Variants in GMEB2 observed in about 807,000 individuals in gnomAD.
GMEB2 encodes glucocorticoid modulatory element-binding protein 2.
A neutral mutation model predicts 45.7 loss-of-function variants in GMEB2; 7 were observed. The ratio of observed to expected loss-of-function variants is 0.15; its 90% CI spans 0.09 to 0.29. The LOEUF is 0.29. GMEB2 is among the 10% of genes least tolerant of loss of function. The pLI, the probability that GMEB2 is intolerant of heterozygous loss-of-function variation, is 1.00. For synonymous variants in GMEB2, 322 were observed against 323.6 expected (o/e 1.00, Z 0.05); for missense variants, 582 against 739.2 (o/e 0.79, Z 2.47).
In GMEB2 at chr20:63,589,925, C is replaced by T. The variant is rs1000679219; in HGVS notation, c.*164G>A. On this transcript the variant is annotated 3_prime_UTR_variant, in exon 10 of 10. Coordinates refer to ENST00000370077, the MANE Select transcript of GMEB2 (RefSeq NM_012384.5). ...TCCAGGTTGCTCTCGCTGTTCTGTC[C>T]CCTTCTCTCTTCTCGTGATTTGTTT... 2.9e-5 allele frequency: 15 copies of T among 511,728 alleles called. No individual in the cohort carries two copies. Among genetic ancestry groups the T allele is most frequent in the Non-Finnish European group, 4.3e-5 (13 of 300,526 alleles). 31.7% of individuals were successfully genotyped at this position (511,728 alleles called of 1,614,324 possible). A position where few individuals can be genotyped will look rare whatever the true frequency, so the allele number is the denominator to read the frequency against.
In GMEB2 at chr20:63,588,523, A is replaced by G. The variant is rs2083114274; in HGVS notation, c.*1566T>C. 2.6e-6 allele frequency: 1 copy of G among 390,432 alleles called. No individual in the cohort carries two copies. The highest frequency in any genetic ancestry group is 4.5e-5 in the Admixed American group (1 of 22,420). 24.2% of individuals were successfully genotyped at this position (390,432 alleles called of 1,614,324 possible). On this transcript the variant is annotated 3_prime_UTR_variant, in exon 10 of 10. Transcript: ENST00000370077. Reference sequence around the variant, plus strand: ...GAAACCAGCTGACTGTGACAACAGCAAACAAAAATGTAACAGAGAAAACAA... The same window carrying G: ...GAAACCAGCTGACTGTGACAACAGCGAACAAAAATGTAACAGAGAAAACAA...
Position 63,591,893 on chromosome 20 carries a change from C to A in GMEB2, c.952+129G>T, listed in dbSNP as rs540349371. ...TTGTTTTCCTCGCACAACAGCAGTG[C>A]GGAGAAGCTCGCCGTGGTGGCGGTG... On this transcript the variant is annotated intron_variant, in intron 9 of 9. Coordinates refer to ENST00000370077, the MANE Select transcript of GMEB2 (RefSeq NM_012384.5). 3.2e-5 allele frequency: 24 copies of A among 740,946 alleles called. No homozygotes were observed. In the Admixed American group the frequency reaches 5.1e-4, roughly 16 times the overall value. The allele number at this position is 740,946 out of a possible 1,614,324, so 45.9% of individuals were successfully genotyped here. A position where few individuals can be genotyped will look rare whatever the true frequency, so the allele number is the denominator to read the frequency against.
At position 63,592,781 on chromosome 20, in the gene GMEB2, C is replaced by T; in HGVS notation, c.692-111G>A. ...CACGAGGACACCATGCCAGAGCCGG[C>T]AGCGCCTGGCACTGTGCTGGGCTTG... On this transcript the variant is annotated intron_variant, in intron 7 of 9. Transcript: ENST00000370077. The surrounding 1 kb of genome is among the most constrained non-coding windows in gnomAD (Gnocchi z 8.2). 1 of 934,226 alleles carries T rather than the reference C, an allele frequency of 1.1e-6. No homozygotes were observed. The highest frequency in any genetic ancestry group is 1.7e-6 in the Non-Finnish European group (1 of 576,996). 57.9% of individuals were successfully genotyped at this position (934,226 alleles called of 1,614,324 possible).
chr20:63,614,457 G>A (rs1171082624), intron 2 of GMEB2, among the ~76,000 whole-genome samples: 3 of 152,208 alleles, frequency 2.0e-5, no homozygotes, highest in African/African-American at 2.4e-5. Context: ...CAAGTGGACC[G>A]TGGTCTAGCG....
intron 4 of GMEB2, among the ~76,000 whole-genome samples, chr20:63,600,180 G>A (rs568298006): frequency 5.9e-5 from 9 of 151,986 alleles, no homozygotes; most frequent in Non-Finnish European, 1.0e-4. Flanking sequence ...GTAGCTGGGA[G>A]TACAGGCACA....
chr20:63,603,172 A>C, intron 3 of GMEB2, 80 bp from the exon 4 acceptor site: 1 of 1,481,038 alleles, frequency 6.8e-7, no homozygotes, highest in South Asian at 1.2e-5. Flanking sequence ...CTGAAAATGC[A>C]GAAAATAGCT....
rs1483518089 is a variant in GMEB2, at chr20:63,592,981, G to A, written c.691+30C>T. Reference sequence around the variant, plus strand: ...AGACTCCACCACCCCGCCAGGGCTTGTGAGAAGCCCACAAGGAGGAACCTC... The same window carrying A: ...AGACTCCACCACCCCGCCAGGGCTTATGAGAAGCCCACAAGGAGGAACCTC... On this transcript the variant is annotated intron_variant, in intron 7 of 9. Coordinates refer to ENST00000370077, the MANE Select transcript of GMEB2 (RefSeq NM_012384.5). The surrounding 1 kb of genome is among the most constrained non-coding windows in gnomAD (Gnocchi z 8.2). 6 of 1,511,794 alleles carry A rather than the reference G, an allele frequency of 4.0e-6. No individual in the cohort carries two copies. In the African/African-American group the frequency reaches 4.1e-5, roughly 10 times the overall value. The allele number at this position is 1,511,794 out of a possible 1,614,324, so 93.6% of individuals were successfully genotyped here. A position where few individuals can be genotyped will look rare whatever the true frequency, so the allele number is the denominator to read the frequency against.
chr20:63,624,182 C>T (rs893868656), intron 1 of GMEB2, among the ~76,000 whole-genome samples: 3 of 151,322 alleles, frequency 2.0e-5, no homozygotes, highest in South Asian at 2.1e-4. Context: ...TTTGGAAGGC[C>T]GAGGCGGGTG....
chr20:63,617,061 A>C (rs1302630398), intron 2 of GMEB2, among the ~76,000 whole-genome samples: 1 of 150,252 alleles, frequency 6.7e-6, no homozygotes, highest in East Asian at 2.0e-4. Context: ...TGCTGTCTCC[A>C]ACTCCTGGGC....
intron 2 of GMEB2, among the ~76,000 whole-genome samples, chr20:63,612,402 G>A (rs1450241810): frequency 2.6e-5 from 4 of 152,194 alleles, no homozygotes; most frequent in Non-Finnish European, 1.5e-5. Context: ...TAGTTCACCA[G>A]TCTCTGGATC....
rs1008893149 is a variant in GMEB2, at chr20:63,619,630, G to A, written c.-57-176C>T. 4.9e-6 allele frequency: 2 copies of A among 408,494 alleles called. No individual in the cohort carries two copies. The highest frequency in any genetic ancestry group is 6.3e-5 in the South Asian group (2 of 31,856). The allele number at this position is 408,494 out of a possible 1,614,324, so 25.3% of individuals were successfully genotyped here. On this transcript the variant is annotated intron_variant, in intron 1 of 9. Transcript: ENST00000370077. This position sits in a 1 kb window ranked among gnomAD's most constrained non-coding sequence, Gnocchi z 4.6. ...TACTCCAGGCTCTGGTTCCGAGGGC[G>A]GTGTAAGCGCACTCCACCCGTTTTT...
chr20:63,615,717 C>G (rs566618733), intron 2 of GMEB2, among the ~76,000 whole-genome samples: 1 of 152,256 alleles, frequency 6.6e-6, no homozygotes, highest in African/African-American at 2.4e-5. Context: ...TAAAGCCAAA[C>G]CAGAATGGAA....
intron 2 of GMEB2, 150 bp from the exon 3 acceptor site, chr20:63,604,990 C>A (rs2089507634): frequency 1.7e-6 from 1 of 590,762 alleles, no homozygotes; most frequent in African/African-American, 1.8e-5. Context: ...GTGGCTCAAG[C>A]CTGTAATCCC....
intron 1 of GMEB2, among the ~76,000 whole-genome samples, chr20:63,620,494 G>A (rs2089637240): frequency 6.6e-6 from 1 of 152,208 alleles, no homozygotes; most frequent in Non-Finnish European, 1.5e-5. Context: ...GGGGAGAAGA[G>A]AGGATGGCAC....
Position 63,592,593 on chromosome 20 carries a change from G to C in GMEB2, c.769C>G (p.Leu257Val). Residue 257 changes from leucine (L) to valine (V), a missense_variant, in exon 8 of 10, where the codon CTG becomes GTG. Leu to Val is a conservative substitution (Grantham distance 32, BLOSUM62 1). Around this residue, in one of 3 missense-constraint regions of GMEB2, gnomAD observed 462 missense variants for 586.7 expected, o/e 0.79. Coordinates refer to ENST00000370077, the MANE Select transcript of GMEB2 (RefSeq NM_012384.5). The surrounding 1 kb of genome is among the most constrained non-coding windows in gnomAD (Gnocchi z 8.2). ...DEVIQEFHQELVETMRGLQQR... is the reference protein window; with the variant it reads ...DEVIQEFHQEVVETMRGLQQR... Reference sequence around the variant, plus strand: ...TGCAGGCCTCTCATGGTCTCCACCAGCTCCTGGTGGAACTCCTGGATGACC... The same window carrying C: ...TGCAGGCCTCTCATGGTCTCCACCACCTCCTGGTGGAACTCCTGGATGACC... 3 of 1,612,288 alleles carry C rather than the reference G, an allele frequency of 1.9e-6. No homozygotes were observed. The highest frequency in any genetic ancestry group is 2.5e-6 in the Non-Finnish European group (3 of 1,178,462).
In GMEB2 at chr20:63,599,203, GTGGCCGCTCCTGACCCCCCGGAGCTAACT is replaced by G. The variant is rs1297533268; in HGVS notation, c.358-1372_358-1344del. ...CCGCTCCTGACCCCCCGGAGCTAAC[GTGGCCGCTCCTGACCCCCCGGAGCTAACT>G]CGGCCCGCTCCTGACCCTCCAGACC... On this transcript the variant is annotated intron_variant, in intron 4 of 9. Transcript: ENST00000370077. Among the ~76,000 whole-genome samples, 135 of 148,202 alleles carry G rather than the reference GTGGCCGCTCCTGACCCCCCGGAGCTAACT, an allele frequency of 9.1e-4. 1 individual carries two copies. The highest frequency in any genetic ancestry group is 2.3e-3 in the African/African-American group (90 of 38,806).
Position 63,604,816 on chromosome 20 carries a change from C to T in GMEB2, c.156G>A (p.Met52Ile). ...CTGCTGCCGCTGCATTTTCTGTCTC[C>T]ATGTTATCTTCCGTCAGGTCGCCCC... ...PHGGDLTEDN[M>I]ETENAAAAAA... The change falls in exon 3 of 10, where the codon ATG (methionine) becomes ATA (isoleucine). Residue 52 changes from methionine to isoleucine, a missense_variant. Around this residue, in one of 3 missense-constraint regions of GMEB2, gnomAD observed 114 missense variants for 123.4 expected, o/e 0.92. Transcript: ENST00000370077. 1 of 1,610,298 alleles carries T rather than the reference C, an allele frequency of 6.2e-7. No homozygotes were observed. The highest frequency in any genetic ancestry group is 8.5e-7 in the Non-Finnish European group (1 of 1,176,616).
In GMEB2 at chr20:63,592,767, C is replaced by G. The variant is rs942604630; in HGVS notation, c.692-97G>C. 1 of 1,039,606 alleles carries G rather than the reference C, an allele frequency of 9.6e-7. No individual in the cohort carries two copies. The highest frequency in any genetic ancestry group is 1.8e-5 in the Admixed American group (1 of 56,440). The allele number at this position is 1,039,606 out of a possible 1,614,324, so 64.4% of individuals were successfully genotyped here. On this transcript the variant is annotated intron_variant, in intron 7 of 9. Coordinates refer to ENST00000370077, the MANE Select transcript of GMEB2 (RefSeq NM_012384.5). The surrounding 1 kb of genome is among the most constrained non-coding windows in gnomAD (Gnocchi z 8.2). Reference sequence around the variant, plus strand: ...GACATCACCATAGCCACGAGGACACCATGCCAGAGCCGGCAGCGCCTGGCA... The same window carrying G: ...GACATCACCATAGCCACGAGGACACGATGCCAGAGCCGGCAGCGCCTGGCA...
At chr20:63,621,978 A>C (rs979765285) in intron 1 of GMEB2, among the ~76,000 whole-genome samples, 2 of 151,206 alleles carry the variant, frequency 1.3e-5, no homozygotes, top group African/African-American at 2.4e-5. Flanking sequence ...ATAATAAAAA[A>C]TAGCCAGGCA....
Sources: allele counts gnomAD v4.1 joint callset (sites outside exome capture counted in the v4.1 genomes callset), GRCh38; gene constraint gnomAD v4.1.1; regional missense constraint gnomAD v4.1.1; non-coding constraint Gnocchi (gnomAD v3.1); transcripts MANE v1.5; gene names NCBI Gene and HGNC (gene_info 2026-07-23, HGNC 2026-07-21).